Variants in GPC5 observed in about 807,000 individuals in gnomAD.
The protein encoded by GPC5 is glypican-5.
Under a neutral mutation model 53.9 loss-of-function variants are expected in GPC5, and 47 were observed. That is an observed-to-expected ratio of 0.87 (90% CI 0.69 to 1.11). GPC5 has a LOEUF of 1.11. Ranked by LOEUF, GPC5 falls within the 50% of genes most tolerant of loss-of-function variation. The pLI, the probability that GPC5 is intolerant of heterozygous loss-of-function variation, is 0.00. For synonymous variants in GPC5, 286 were observed against 263.3 expected (o/e 1.09, Z -0.84); for missense variants, 748 against 713.1 (o/e 1.05, Z -0.56).
intron 7 of GPC5, among the ~76,000 whole-genome samples, chr13:92,407,016 TA>T (rs1201767598): frequency 6.6e-6 from 1 of 152,310 alleles, no homozygotes; most frequent in South Asian, 2.1e-4. Context: ...AATTTGAAGC[TA>T]AAAAATGTGC....
At chr13:92,480,284 A>C (rs1879298925) in intron 7 of GPC5, among the ~76,000 whole-genome samples, 1 of 152,162 alleles carries the variant, frequency 6.6e-6, no homozygotes, top group African/African-American at 2.4e-5. Flanking sequence ...AGCAATTTAA[A>C]TGTGAACATT....
intron 7 of GPC5, among the ~76,000 whole-genome samples, chr13:92,242,726 A>G (rs1184066576): frequency 6.6e-6 from 1 of 152,172 alleles, no homozygotes; most frequent in Admixed American, 6.5e-5. Context: ...TAGGAGACAA[A>G]GCCATGCATC....
At chr13:92,352,456 A>C (rs533976315) in intron 7 of GPC5, among the ~76,000 whole-genome samples, 59 of 152,236 alleles carry the variant, frequency 3.9e-4, no homozygotes, top group Non-Finnish European at 7.5e-4. Context: ...ATAATTGTAC[A>C]CAACTAGAAA....
At chr13:91,435,934 G>C (rs1251569205) in intron 1 of GPC5, among the ~76,000 whole-genome samples, 1 of 152,158 alleles carries the variant, frequency 6.6e-6, no homozygotes, top group Non-Finnish European at 1.5e-5. Flanking sequence ...ATGTGTCGAG[G>C]AATTTATCCA....
intron 7 of GPC5, among the ~76,000 whole-genome samples, chr13:92,462,214 T>G (rs1878515210): frequency 6.6e-6 from 1 of 152,104 alleles, no homozygotes; most frequent in South Asian, 2.1e-4. Flanking sequence ...TTTGTTTGGC[T>G]GGCTCATTGA....
intron 7 of GPC5, among the ~76,000 whole-genome samples, chr13:92,147,149 T>TTAA (rs1555314081): frequency 5.3e-5 from 8 of 151,114 alleles, no homozygotes; most frequent in Non-Finnish European, 1.0e-4. Context: ...CAAATTATAA[T>TTAA]TTATGTGAGG....
chr13:92,822,995 C>T (rs995550134), intron 7 of GPC5, among the ~76,000 whole-genome samples: 1 of 151,776 alleles, frequency 6.6e-6, no homozygotes, highest in Non-Finnish European at 1.5e-5. Context: ...ATCACGAGTG[C>T]CACAGAAGAT....
intron 7 of GPC5, among the ~76,000 whole-genome samples, chr13:92,690,491 A>G (rs1490321067): frequency 1.4e-5 from 1 of 72,928 alleles, no homozygotes; most frequent in Admixed American, 2.0e-4. Context: ...AAAGTTTTCA[A>G]CTTCTTTGCC....
Position 91,623,718 on chromosome 13 carries a change from C to G in GPC5, c.326-69469C>G, listed in dbSNP as rs373671041. ...AGGCTTCTGAGCCAACAATACCAAT[C>G]TGCTCTGCAGATAACAACATAGGAC... On this transcript the variant is annotated intron_variant, in intron 2 of 7. Coordinates refer to ENST00000377067, the MANE Select transcript of GPC5 (RefSeq NM_004466.6). 5.3e-5 allele frequency among the ~76,000 whole-genome samples: 8 copies of G among 152,250 alleles called. No homozygotes were observed. The East Asian group carries it at 1.4e-3, about 26-fold the overall frequency.
At chr13:92,289,143 T>C (rs2042976927) in intron 7 of GPC5, among the ~76,000 whole-genome samples, 1 of 151,220 alleles carries the variant, frequency 6.6e-6, no homozygotes, top group Admixed American at 6.6e-5. Flanking sequence ...AATTGGAAGC[T>C]ATCTGGCCTA....
chr13:91,582,746 T>A (rs1320184909), intron 2 of GPC5, among the ~76,000 whole-genome samples: 1 of 152,076 alleles, frequency 6.6e-6, no homozygotes, highest in Non-Finnish European at 1.5e-5. Context: ...GGCACGGTGG[T>A]TCACGCCTGT....
intron 7 of GPC5, among the ~76,000 whole-genome samples, chr13:92,824,726 G>GAA (rs5805766): frequency 0.34 from 51,413 of 149,820 alleles, 11,580 homozygotes; most frequent in East Asian, 0.71. Context: ...AATGCCTTTT[G>GAA]AAAAAAAAAA....
chr13:92,630,304 A>G (rs1284502615), intron 7 of GPC5, among the ~76,000 whole-genome samples: 1 of 152,152 alleles, frequency 6.6e-6, no homozygotes, highest in East Asian at 1.9e-4. Context: ...AGAATTGGCA[A>G]TATAATAAAA....
chr13:92,280,892 CA>C (rs974985932), intron 7 of GPC5, among the ~76,000 whole-genome samples: 1 of 152,140 alleles, frequency 6.6e-6, no homozygotes, highest in Non-Finnish European at 1.5e-5. Flanking sequence ...GCTTGTCGGA[CA>C]GTGGGGGCAG....
intron 2 of GPC5, among the ~76,000 whole-genome samples, chr13:91,451,207 T>C (rs1881149395): frequency 6.6e-6 from 1 of 152,200 alleles, no homozygotes; most frequent in Non-Finnish European, 1.5e-5. Context: ...GTGCTACATT[T>C]TGATTTTTTA....
At chr13:92,724,479 TAAATG>T (rs1566386282) in intron 7 of GPC5, among the ~76,000 whole-genome samples, 1 of 151,576 alleles carries the variant, frequency 6.6e-6, no homozygotes, top group African/African-American at 2.4e-5. Context: ...TATCAACAGA[TAAATG>T]AATAAAGAAA....
chr13:91,909,394 T>A (rs1294456921), intron 6 of GPC5, among the ~76,000 whole-genome samples: 3 of 152,182 alleles, frequency 2.0e-5, no homozygotes, highest in Non-Finnish European at 4.4e-5. Flanking sequence ...GTGAGTACAA[T>A]CTCACTGTGA....
intron 7 of GPC5, among the ~76,000 whole-genome samples, chr13:92,648,796 A>G (rs1885855193): frequency 6.6e-6 from 1 of 152,148 alleles, no homozygotes; most frequent in East Asian, 1.9e-4. Context: ...GAATGAAGGG[A>G]GGATCAAACT....
chr13:92,242,332 T>G (rs2042619079), intron 7 of GPC5, among the ~76,000 whole-genome samples: 1 of 152,076 alleles, frequency 6.6e-6, no homozygotes, highest in Non-Finnish European at 1.5e-5. Flanking sequence ...AGACAGCATC[T>G]AATTGAATTT....
Sources: allele counts gnomAD v4.1 joint callset (sites outside exome capture counted in the v4.1 genomes callset), GRCh38; gene constraint gnomAD v4.1.1; transcripts MANE v1.5; gene names NCBI Gene and HGNC (gene_info 2026-07-23, HGNC 2026-07-21).